The following TSHZ2 variants were observed in gnomAD, a reference collection of about 807,000 sequenced individuals.
The protein encoded by TSHZ2 is teashirt zinc finger homeobox 2.
A neutral mutation model predicts 74.4 loss-of-function variants in TSHZ2; 21 were observed. That is an observed-to-expected ratio of 0.28 (90% confidence interval 0.20 to 0.41). The LOEUF (loss-of-function observed/expected upper bound fraction) is 0.41. Ranked by LOEUF, TSHZ2 falls within the 10% of genes least tolerant of loss-of-function variation. TSHZ2 has a pLI of 1.00. For synonymous variants in TSHZ2, 540 were observed against 515.3 expected (o/e 1.05, Z -0.65); for missense variants, 1,244 against 1,293.5 (o/e 0.96, Z 0.59).
chr20:53,271,615 G>C (rs778653326), intron 2 of TSHZ2, among the ~76,000 whole-genome samples: 15 of 152,222 alleles, frequency 9.9e-5, no homozygotes, highest in Non-Finnish European at 1.9e-4. Flanking sequence ...GAAAAGAGGG[G>C]TCAAAGAAGT....
intron 2 of TSHZ2, among the ~76,000 whole-genome samples, chr20:53,350,935 T>A (rs1934403717): frequency 6.6e-6 from 1 of 152,238 alleles, no homozygotes; most frequent in South Asian, 2.1e-4. Flanking sequence ...TTAGAATAGT[T>A]CACTTAGATA....
chr20:53,323,741 A>T (rs1289121790), intron 2 of TSHZ2, among the ~76,000 whole-genome samples: 2 of 151,510 alleles, frequency 1.3e-5, no homozygotes, highest in African/African-American at 4.9e-5. Flanking sequence ...ACACCCAGCT[A>T]ATTTTTTTGT....
chr20:53,450,088 G>T (rs1009440415), intron 2 of TSHZ2, among the ~76,000 whole-genome samples: 7 of 152,184 alleles, frequency 4.6e-5, no homozygotes, highest in African/African-American at 1.7e-4. Context: ...TAACCTTCTT[G>T]CTGAATTGTG....
At chr20:53,345,949 C>T (rs1980422798) in intron 2 of TSHZ2, among the ~76,000 whole-genome samples, 1 of 152,126 alleles carries the variant, frequency 6.6e-6, no homozygotes, top group Non-Finnish European at 1.5e-5. Flanking sequence ...TCAAGAGGGG[C>T]CGACCCACTC....
intron 1 of TSHZ2, among the ~76,000 whole-genome samples, chr20:52,986,759 T>C (rs1381579826): frequency 1.3e-5 from 2 of 152,340 alleles, no homozygotes; most frequent in East Asian, 3.9e-4. Context: ...CTTAGACTTT[T>C]GTTGTCTGAT....
At position 53,332,180 on chromosome 20, in the gene TSHZ2, C is replaced by G. The variant is rs540799750; in HGVS notation, c.*8+75609C>G. Among the ~76,000 whole-genome samples, 7 of 152,216 alleles carry G rather than the reference C, an allele frequency of 4.6e-5. No homozygotes were observed. The East Asian group carries it at 9.7e-4, about 21-fold the overall frequency. On this transcript the variant is annotated intron_variant, in intron 2 of 2. Transcript: ENST00000371497. Reference sequence around the variant, plus strand: ...GAGCCTGGGACTCACCCTGCCGAAGCCTGAAGGCAAAACAAATCATCATGA... The same window carrying G: ...GAGCCTGGGACTCACCCTGCCGAAGGCTGAAGGCAAAACAAATCATCATGA...
At chr20:53,443,814 G>C (rs572272636) in intron 2 of TSHZ2, among the ~76,000 whole-genome samples, 100 of 152,306 alleles carry the variant, frequency 6.6e-4, no homozygotes, top group Non-Finnish European at 1.2e-3. Flanking sequence ...CTGAGGAGCA[G>C]AGATAATTAG....
chr20:53,023,172 C>A (rs1436332409), intron 1 of TSHZ2, among the ~76,000 whole-genome samples: 1 of 152,176 alleles, frequency 6.6e-6, no homozygotes, highest in African/African-American at 2.4e-5. Flanking sequence ...CTGGTTGAAG[C>A]ATTGCTACAT....
intron 1 of TSHZ2, among the ~76,000 whole-genome samples, chr20:52,989,503 T>C (rs1699584711): frequency 6.6e-6 from 1 of 152,222 alleles, no homozygotes. Context: ...AATTAAGCTT[T>C]ACAAATAGTT....
chr20:53,114,546 A>C (rs937759300), intron 1 of TSHZ2, among the ~76,000 whole-genome samples: 2 of 152,204 alleles, frequency 1.3e-5, no homozygotes, highest in Non-Finnish European at 2.9e-5. Context: ...GTCTGGTCAA[A>C]TTACATGTGT....
chr20:53,337,043 G>A (rs149194079), intron 2 of TSHZ2, among the ~76,000 whole-genome samples: 8 of 152,300 alleles, frequency 5.3e-5, no homozygotes, highest in African/African-American at 1.9e-4. Flanking sequence ...GCAAGAGAGA[G>A]AATGAGATTT....
At chr20:53,161,704 C>T (rs1024420724) in intron 1 of TSHZ2, among the ~76,000 whole-genome samples, 3 of 152,112 alleles carry the variant, frequency 2.0e-5, no homozygotes, top group African/African-American at 4.8e-5. Flanking sequence ...TGAAGGAATC[C>T]GCCCGCATGA....
chr20:53,352,645 G>A (rs950732997), intron 2 of TSHZ2, among the ~76,000 whole-genome samples: 6 of 151,788 alleles, frequency 4.0e-5, no homozygotes, highest in Non-Finnish European at 5.9e-5. Flanking sequence ...AAGGTGGCAC[G>A]CCCCTGTAAT....
chr20:53,029,205 A>G (rs1432952086), intron 1 of TSHZ2, among the ~76,000 whole-genome samples: 4 of 152,340 alleles, frequency 2.6e-5, no homozygotes, highest in East Asian at 3.9e-4. Flanking sequence ...TTGAATGTTT[A>G]TAATTCCCTC....
chr20:53,461,112 G>A (rs1318488833), intron 2 of TSHZ2, among the ~76,000 whole-genome samples: 1 of 151,978 alleles, frequency 6.6e-6, no homozygotes, highest in Non-Finnish European at 1.5e-5. Flanking sequence ...AAGCAAGCCT[G>A]GGCAATGGCG....
intron 1 of TSHZ2, among the ~76,000 whole-genome samples, chr20:53,102,465 GGAGGGAAGAA>G (rs1387483748): frequency 1.3e-5 from 2 of 150,752 alleles, no homozygotes; most frequent in Non-Finnish European, 3.0e-5. Flanking sequence ...AGAGGAGAGG[GGAGGGAAGAA>G]GAGGGGAGAG....
At chr20:53,038,415 G>A (rs766199765) in intron 1 of TSHZ2, among the ~76,000 whole-genome samples, 13 of 151,912 alleles carry the variant, frequency 8.6e-5, no homozygotes, top group Non-Finnish European at 1.8e-4. Flanking sequence ...TGCTGTTTAC[G>A]GCCTGTCTAC....
intron 2 of TSHZ2, among the ~76,000 whole-genome samples, chr20:53,308,789 G>A (rs932157509): frequency 1.3e-5 from 2 of 152,058 alleles, no homozygotes; most frequent in Admixed American, 6.6e-5. Context: ...AAACAACCCC[G>A]TTATCGGAAC....
intron 1 of TSHZ2, among the ~76,000 whole-genome samples, chr20:52,985,784 G>A (rs545281549): frequency 3.3e-5 from 5 of 152,114 alleles, no homozygotes; most frequent in Non-Finnish European, 5.9e-5. Flanking sequence ...ATGTCTCTAC[G>A]GGGAAAGGTT....
Sources: gnomAD v4.1 joint callset for allele counts (sites outside exome capture counted in the v4.1 genomes callset) on GRCh38, gnomAD v4.1.1 for gene constraint, MANE v1.5 for transcripts, NCBI Gene and HGNC (gene_info 2026-07-23, HGNC 2026-07-21) for gene names.